The following ZNF420 variants were observed in gnomAD, a reference collection of about 807,000 sequenced individuals.
The protein encoded by ZNF420 is zinc finger protein 420, also known as ATM and p53-associated KZNF protein.
Under a neutral mutation model 44.7 loss-of-function variants are expected in ZNF420, and 31 were observed. That is an observed-to-expected ratio of 0.69 (90% CI 0.52 to 0.94). The LOEUF is 0.94. ZNF420 is among the 40% of genes least tolerant of loss of function. The pLI, the probability that ZNF420 is intolerant of heterozygous loss-of-function variation, is 0.00. For synonymous variants in ZNF420, 245 were observed against 267.4 expected, an observed-to-expected ratio of 0.92 and a Z score of 0.82; for missense variants, 681 against 827.9, an observed-to-expected ratio of 0.82 and a Z score of 2.18.
chr19:37,063,440 A>G (rs1967912467), intron 1 of ZNF420, among the ~76,000 whole-genome samples: 1 of 152,134 alleles, frequency 6.6e-6, no homozygotes, highest in African/African-American at 2.4e-5. Context: ...CAAGTCGCAA[A>G]ACATGTTTTT....
At chr19:37,020,987 T>C (rs974917354) in intron 1 of ZNF420, among the ~76,000 whole-genome samples, 2 of 152,204 alleles carry the variant, frequency 1.3e-5, no homozygotes, top group African/African-American at 4.8e-5. Context: ...ATGAATGTCC[T>C]TAATAACTCT....
chr19:37,085,536 T>G (rs778051368), intron 2 of ZNF420, among the ~76,000 whole-genome samples: 2 of 151,874 alleles, frequency 1.3e-5, no homozygotes, highest in Non-Finnish European at 2.9e-5. Flanking sequence ...CTAAAGGGAG[T>G]TGCAGTGCAG....
intron 1 of ZNF420, among the ~76,000 whole-genome samples, chr19:37,031,044 C>T (rs13346284): frequency 0.16 from 24,656 of 151,920 alleles, 2,130 homozygotes; most frequent in African/African-American, 0.23. Flanking sequence ...TTAGTAGAAA[C>T]GGGGTTTTGC....
chr19:37,069,283 A>G (rs1374949466), intron 1 of ZNF420, among the ~76,000 whole-genome samples: 1 of 152,206 alleles, frequency 6.6e-6, no homozygotes, highest in Non-Finnish European at 1.5e-5. Flanking sequence ...TATGTTTGAT[A>G]TATGTCATCA....
chr19:37,050,514 TTGTC>T (rs1967619761), intron 1 of ZNF420, among the ~76,000 whole-genome samples: 1 of 152,186 alleles, frequency 6.6e-6, no homozygotes, highest in Non-Finnish European at 1.5e-5. Context: ...TTGGCTCTGT[TTGTC>T]TGTTATTGGT....
At chr19:37,030,314 A>T (rs556922148) in intron 1 of ZNF420, among the ~76,000 whole-genome samples, 4 of 152,268 alleles carry the variant, frequency 2.6e-5, no homozygotes, top group Admixed American at 2.6e-4. Flanking sequence ...GGCGTGTGCC[A>T]ACACACCAGG....
chr19:37,112,305 C>T (rs917395510), intron 4 of ZNF420, among the ~76,000 whole-genome samples: 1 of 152,030 alleles, frequency 6.6e-6, no homozygotes, highest in Non-Finnish European at 1.5e-5. Context: ...TATAATGGGG[C>T]AGGCATAGTG....
rs140093072 is a variant in ZNF420 at position 37,092,836 on chromosome 19, A to T, written c.136+1715A>T. On this transcript the variant is annotated intron_variant, in intron 4 of 4. Transcript: ENST00000337995. ...GAAGGCAGAAGTGCACTATATCTTGATATTCACAATAGCCAAAAAGTGGGA... is the reference window on the plus strand; with the variant it reads ...GAAGGCAGAAGTGCACTATATCTTGTTATTCACAATAGCCAAAAAGTGGGA... 3.3e-3 allele frequency among the ~76,000 whole-genome samples: 500 copies of T among 152,316 alleles called. 4 individuals carry two copies. The highest frequency in any genetic ancestry group is 0.011 in the African/African-American group (478 of 41,570).
intron 4 of ZNF420, chr19:37,106,760 G>A (rs907105623): frequency 6.6e-6 from 1 of 152,056 alleles, no homozygotes; most frequent in Non-Finnish European, 1.5e-5. Context: ...TGGGCCCAGG[G>A]GACCGGTGCT....
intron 1 of ZNF420, among the ~76,000 whole-genome samples, chr19:37,022,603 G>GA (rs1416457951): frequency 4.0e-5 from 6 of 151,828 alleles, no homozygotes; most frequent in Non-Finnish European, 7.4e-5. Flanking sequence ...CCACAGAAAT[G>GA]AAAAAAATTA....
intron 1 of ZNF420, among the ~76,000 whole-genome samples, chr19:37,054,600 C>G (rs922603827): frequency 2.6e-5 from 4 of 152,196 alleles, no homozygotes; most frequent in Non-Finnish European, 5.9e-5. Context: ...CAGCCTTGGT[C>G]TTTGAGAGTG....
chr19:37,101,605 C>T (rs1394338090), intron 4 of ZNF420, among the ~76,000 whole-genome samples: 1 of 152,234 alleles, frequency 6.6e-6, no homozygotes, highest in Non-Finnish European at 1.5e-5. Flanking sequence ...TGTTGTATTC[C>T]CTTGAGCCTG....
chr19:37,034,538 G>A (rs1005844255), intron 1 of ZNF420, among the ~76,000 whole-genome samples: 2 of 152,056 alleles, frequency 1.3e-5, no homozygotes, highest in Non-Finnish European at 2.9e-5. Flanking sequence ...CACACTTTTG[G>A]TGTCAGACAG....
chr19:37,010,462 G>A (rs2146366287), intron 1 of ZNF420, among the ~76,000 whole-genome samples: 1 of 152,154 alleles, frequency 6.6e-6, no homozygotes, highest in Non-Finnish European at 1.5e-5. Context: ...CAGCCTCAGG[G>A]GTTGCCTGGG....
chr19:37,018,446 A>G (rs967756135), intron 1 of ZNF420, among the ~76,000 whole-genome samples: 1 of 152,250 alleles, frequency 6.6e-6, no homozygotes, highest in African/African-American at 2.4e-5. Flanking sequence ...ATCAATGCAT[A>G]TATAGCCAGA....
intron 4 of ZNF420, among the ~76,000 whole-genome samples, chr19:37,113,419 C>T (rs1484566483): frequency 6.6e-6 from 1 of 152,192 alleles, no homozygotes; most frequent in Non-Finnish European, 1.5e-5. Context: ...CCAATTCCAT[C>T]ACAGGCTTTT....
intron 4 of ZNF420, among the ~76,000 whole-genome samples, chr19:37,112,501 A>G (rs747178004): frequency 9.9e-5 from 15 of 152,158 alleles, no homozygotes; most frequent in Admixed American, 2.0e-4. Flanking sequence ...GTTTAGGCCA[A>G]TTTTTTGGCC....
At chr19:37,057,703 A>G (rs539786994) in intron 1 of ZNF420, among the ~76,000 whole-genome samples, 1 of 151,954 alleles carries the variant, frequency 6.6e-6, no homozygotes, top group African/African-American at 2.4e-5. Flanking sequence ...ACATGAGGAG[A>G]TGCGTCGGTC....
intron 4 of ZNF420, chr19:37,109,887 G>A (rs1970293113): frequency 6.6e-6 from 1 of 152,148 alleles, no homozygotes; most frequent in Admixed American, 6.5e-5. Flanking sequence ...AAAGTATAGA[G>A]TGCTAGATTA....
Sources: allele counts gnomAD v4.1 joint callset (sites outside exome capture counted in the v4.1 genomes callset), GRCh38; gene constraint gnomAD v4.1.1; transcripts MANE v1.5; gene names NCBI Gene and HGNC (gene_info 2026-07-23, HGNC 2026-07-21).